Variants in OLA1 observed in about 807,000 individuals in gnomAD.
The protein encoded by OLA1 is Obg like ATPase 1, also known as obg-like ATPase 1.
A neutral mutation model predicts 48.4 loss-of-function variants in OLA1; 14 were observed. That is an observed-to-expected ratio of 0.29 (90% CI 0.19 to 0.45). The LOEUF is 0.45. OLA1 is among the 20% of genes least tolerant of loss of function. The probability of loss-of-function intolerance (pLI) is 1.00; values close to 1 mark genes in which losing one functional copy is unlikely to be tolerated. For synonymous variants in OLA1, 127 were observed against 150.4 expected, an observed-to-expected ratio of 0.84 and a Z score of 1.14; for missense variants, 325 against 467.1, an observed-to-expected ratio of 0.70 and a Z score of 2.80.
intron 4 of OLA1, among the ~76,000 whole-genome samples, chr2:174,208,804 T>C (rs1487360781): frequency 6.6e-6 from 1 of 152,184 alleles, no homozygotes; most frequent in African/African-American, 2.4e-5. Flanking sequence ...TCTATTCCCT[T>C]AGCCAGGTTC....
At chr2:174,174,520 C>T (rs1177778544) in intron 4 of OLA1, among the ~76,000 whole-genome samples, 2 of 152,022 alleles carry the variant, frequency 1.3e-5, no homozygotes, top group Non-Finnish European at 2.9e-5. Context: ...CGAGTAACTA[C>T]TTCAACCTGA....
chr2:174,208,390 T>A (rs753133470), intron 4 of OLA1, among the ~76,000 whole-genome samples: 7 of 152,130 alleles, frequency 4.6e-5, no homozygotes, highest in Non-Finnish European at 1.0e-4. Flanking sequence ...TGAATTTTCC[T>A]CCCTCTGAAA....
At position 174,178,457 on chromosome 2, in the gene OLA1, G is replaced by C. The variant is rs193069501; in HGVS notation, c.374-36457C>G. Among the ~76,000 whole-genome samples the C allele has an allele frequency of 2.6e-5, 4 of 151,962 alleles. No homozygotes were observed. In the East Asian group the frequency reaches 5.8e-4, roughly 22 times the overall value. The stretch of plus-strand genomic sequence containing the variant: ...ACTATAAATAATCACCAGTTCCAAA[G>C]CCTCAGTGATTTGGAAAAGTAAGAT... On this transcript the variant is annotated intron_variant, in intron 4 of 10. Transcript: ENST00000284719.
chr2:174,092,617 G>T (rs919748474), intron 7 of OLA1, among the ~76,000 whole-genome samples: 3 of 151,788 alleles, frequency 2.0e-5, no homozygotes, highest in Non-Finnish European at 4.4e-5. Flanking sequence ...AGCTGTGATC[G>T]CACCACTGCA....
At chr2:174,206,515 A>G (rs1688118316) in intron 4 of OLA1, among the ~76,000 whole-genome samples, 1 of 152,216 alleles carries the variant, frequency 6.6e-6, no homozygotes, top group Admixed American at 6.5e-5. Flanking sequence ...TTGGGCAGAG[A>G]GGACAGGAAA....
At chr2:174,246,255 A>C (rs1689125539) in intron 2 of OLA1, among the ~76,000 whole-genome samples, 1 of 151,726 alleles carries the variant, frequency 6.6e-6, no homozygotes, top group Non-Finnish European at 1.5e-5. Context: ...AGTCAAGATC[A>C]TGCCACTGCA....
chr2:174,155,250 G>A (rs1190786044), intron 4 of OLA1, among the ~76,000 whole-genome samples: 1 of 152,034 alleles, frequency 6.6e-6, no homozygotes, highest in Non-Finnish European at 1.5e-5. Context: ...GCCCAAAAAA[G>A]GGGTGAGCAA....
intron 9 of OLA1, 61 bp from the exon 10 acceptor site, chr2:174,079,151 A>G: frequency 1.4e-6 from 2 of 1,465,402 alleles, no homozygotes; most frequent in Admixed American, 4.8e-5. Flanking sequence ...GTAAGCACAG[A>G]GTTTCTTTTC....
chr2:174,150,608 C>T (rs1210790946), intron 4 of OLA1, among the ~76,000 whole-genome samples: 1 of 152,156 alleles, frequency 6.6e-6, no homozygotes, highest in Non-Finnish European at 1.5e-5. Context: ...CACAGAATTC[C>T]TTGGTATATA....
At chr2:174,215,899 A>G (rs1177539946) in intron 4 of OLA1, among the ~76,000 whole-genome samples, 1 of 152,214 alleles carries the variant, frequency 6.6e-6, no homozygotes, top group East Asian at 1.9e-4. Context: ...TCATCATCAC[A>G]TGAGCAGTTC....
At chr2:174,183,949 A>T (rs1687601737) in intron 4 of OLA1, among the ~76,000 whole-genome samples, 1 of 152,168 alleles carries the variant, frequency 6.6e-6, no homozygotes, top group South Asian at 2.1e-4. Flanking sequence ...GTTGAGACAC[A>T]GGTATATTCT....
intron 10 of OLA1, among the ~76,000 whole-genome samples, chr2:174,077,062 C>T (rs930558671): frequency 2.6e-5 from 4 of 152,024 alleles, no homozygotes; most frequent in African/African-American, 9.7e-5. Context: ...TAATCCATTT[C>T]CACTGCTATC....
At chr2:174,084,926 G>C (rs1450082373) in intron 7 of OLA1, among the ~76,000 whole-genome samples, 1 of 152,184 alleles carries the variant, frequency 6.6e-6, no homozygotes, top group Non-Finnish European at 1.5e-5. Context: ...ATTATATGGT[G>C]GGTGGGAGGA....
At chr2:174,098,977 T>G (rs1240788237) in intron 7 of OLA1, among the ~76,000 whole-genome samples, 1 of 152,110 alleles carries the variant, frequency 6.6e-6, no homozygotes, top group Non-Finnish European at 1.5e-5. Flanking sequence ...CTCCTTAAAT[T>G]ATTCTGTCCG....
At chr2:174,106,625 T>C (rs1423485773) in intron 7 of OLA1, among the ~76,000 whole-genome samples, 1 of 152,100 alleles carries the variant, frequency 6.6e-6, no homozygotes, top group Non-Finnish European at 1.5e-5. Flanking sequence ...AGTTCAGCCG[T>C]TTGTGAAGAG....
intron 4 of OLA1, among the ~76,000 whole-genome samples, chr2:174,204,089 A>G (rs1553489040): frequency 1.4e-5 from 2 of 148,000 alleles, no homozygotes; most frequent in Non-Finnish European, 3.0e-5. Context: ...CACTGTGCCC[A>G]GCCAGTAATT....
chr2:174,093,598 C>T (rs761490023), intron 7 of OLA1, among the ~76,000 whole-genome samples: 5 of 152,152 alleles, frequency 3.3e-5, no homozygotes, highest in South Asian at 4.1e-4. Flanking sequence ...ACTTTGTACT[C>T]GGACGTCTGA....
At chr2:174,099,066 A>C (rs1050258617) in intron 7 of OLA1, among the ~76,000 whole-genome samples, 3 of 152,248 alleles carry the variant, frequency 2.0e-5, no homozygotes, top group Admixed American at 1.3e-4. Flanking sequence ...AGAAGGGGCA[A>C]AAAAACTATG....
intron 6 of OLA1, 43 bp downstream of exon 6, chr2:174,123,552 G>A: frequency 8.4e-7 from 1 of 1,185,454 alleles, no homozygotes; most frequent in Non-Finnish European, 1.2e-6. Flanking sequence ...CCTAGCAAAT[G>A]AAAGCAAAGG....
Sources: gnomAD v4.1 joint callset for allele counts (sites outside exome capture counted in the v4.1 genomes callset) on GRCh38, gnomAD v4.1.1 for gene constraint, MANE v1.5 for transcripts, NCBI Gene and HGNC (gene_info 2026-07-23, HGNC 2026-07-21) for gene names.